Variants in DNAH1 observed in about 807,000 individuals in gnomAD.
DNAH1 encodes axonemal beta dynein heavy chain 1.
In DNAH1, 327 loss-of-function variants were observed where a neutral mutation model predicts 484.3. The ratio of observed to expected loss-of-function variants is 0.68; its 90% CI spans 0.62 to 0.74. The LOEUF is 0.74. Ranked by LOEUF, DNAH1 falls within the 30% of genes least tolerant of loss-of-function variation. The pLI is 0.00. For synonymous variants in DNAH1, 2,192 were observed against 2,191.9 expected (o/e 1.00, Z 0.00); for missense variants, 5,052 against 5,546.8 (o/e 0.91, Z 2.83).
chr3:52,331,507 T>C (rs1439692999), intron 7 of DNAH1, among the ~76,000 whole-genome samples, 198 bp downstream of exon 7: 3 of 152,160 alleles, frequency 2.0e-5, no homozygotes, highest in Non-Finnish European at 4.4e-5. Context: ...TTATTTGGCA[T>C]GTCAGCTCTG....
rs1424281323 is a variant in DNAH1 at position 52,386,709 on chromosome 3, A to G, written c.8859A>G (p.Glu2953=). 1.9e-6 allele frequency: 3 copies of G among 1,593,050 alleles called. No individual in the cohort carries two copies. Among genetic ancestry groups the G allele is most frequent in the Non-Finnish European group, 2.6e-6 (3 of 1,170,172 alleles). Residue 2953 remains glutamate (E), a synonymous_variant, in exon 56 of 78, where the codon GAA becomes GAG. Coordinates refer to ENST00000420323, the MANE Select transcript of DNAH1 (RefSeq NM_015512.5). ...CCCCGGGTGTGAAACTGGTCATAGA[A>G]GCTGTGTGCATTATGAAAGGCATCA... is the stretch of plus-strand genomic sequence containing the variant. ...RPPPGVKLVI[E]AVCIMKGIKP...
intron 44 of DNAH1, chr3:52,374,966 G>T: frequency 4.5e-6 from 1 of 223,778 alleles, no homozygotes; most frequent in East Asian, 1.3e-4. Context: ...CTTCACCATG[G>T]GGGCGGGGGG....
rs1446650080 is a variant in DNAH1 at position 52,368,880 on chromosome 3, C to T, written c.5905C>T (p.Leu1969=). 6.2e-6 allele frequency: 10 copies of T among 1,613,916 alleles called. No homozygotes were observed. Among genetic ancestry groups the T allele is most frequent in the South Asian group, 2.2e-5 (2 of 91,080 alleles). The change falls in exon 37 of 78, where the codon CTG becomes TTG. Residue 1969 remains leucine, a synonymous_variant. Coordinates refer to ENST00000420323, the MANE Select transcript of DNAH1 (RefSeq NM_015512.5). This position sits in a 1 kb window ranked among gnomAD's most constrained non-coding sequence, Gnocchi z 4.4. ...MNTVLDDNKK[L]CLSSGEIIKL... ...CACGGTGCTGGATGACAACAAGAAGCTGTGCCTCAGCTCTGGGGAGATCAT... is the reference window on the plus strand; with the variant it reads ...CACGGTGCTGGATGACAACAAGAAGTTGTGCCTCAGCTCTGGGGAGATCAT...
Position 52,372,939 on chromosome 3 carries a change from T to A in DNAH1, c.6871T>A (p.Phe2291Ile), listed in dbSNP as rs754003859. ...FGPPLGRNFI[F>I]FIDDLNMPAL... ...ACCACCTCTGGGGCGCAACTTTATC[T>A]TCTTCATCGATGACCTGAACATGCC... The change falls in exon 44 of 78, where the codon TTC becomes ATC. Residue 2291 changes from phenylalanine (F) to isoleucine (I), a missense_variant. Transcript: ENST00000420323. 3 of 1,613,778 alleles carry A rather than the reference T, an allele frequency of 1.9e-6. No homozygotes were observed. Among genetic ancestry groups the A allele is most frequent in the Admixed American group, 1.7e-5 (1 of 60,018 alleles).
Position 52,357,818 on chromosome 3 carries a change from C to T in DNAH1, c.3981-80C>T, listed in dbSNP as rs9813653. ...CCAGGGCCCTGCTCAGGCTAGGGTGCGGGGATGTCAGCAGGACTGGGGCAG... is the reference window on the plus strand; with the variant it reads ...CCAGGGCCCTGCTCAGGCTAGGGTGTGGGGATGTCAGCAGGACTGGGGCAG... On this transcript the variant is annotated intron_variant, in intron 23 of 77. Coordinates refer to ENST00000420323, the MANE Select transcript of DNAH1 (RefSeq NM_015512.5). 2.0e-3 allele frequency: 3,121 copies of T among 1,576,316 alleles called. 47 individuals are homozygous for T. The African/African-American group carries it at 0.033, about 17-fold the overall frequency.
At chr3:52,367,028 A>AGAATAGAATT (rs1703111427) in intron 36 of DNAH1, 141 bp downstream of exon 36, 2 of 1,055,462 alleles carry the variant, frequency 1.9e-6, no homozygotes, top group Non-Finnish European at 1.3e-6. Flanking sequence ...TCTCCATTCT[A>AGAATAGAATT]CTTCCTCGCT....
At chr3:52,359,811 C>A (rs181131371) in intron 26 of DNAH1, 105 bp from the exon 27 acceptor site, 2 of 1,467,530 alleles carry the variant, frequency 1.4e-6, no homozygotes, top group Admixed American at 1.8e-5. Flanking sequence ...TCAGAGACCC[C>A]CAGGATAGAG....
chr3:52,357,524 T>C (rs1702662650), intron 22 of DNAH1, 90 bp from the exon 23 acceptor site: 8 of 1,499,324 alleles, frequency 5.3e-6, no homozygotes, highest in Non-Finnish European at 7.2e-6. Context: ...GCTGAGGGGC[T>C]CTGGCTGGTG....
At chr3:52,340,311 G>A (rs991187874) in intron 8 of DNAH1, among the ~76,000 whole-genome samples, 2 of 151,772 alleles carry the variant, frequency 1.3e-5, no homozygotes, top group Non-Finnish European at 2.9e-5. Flanking sequence ...CGAATTCCTG[G>A]GCTCAATTCA....
At position 52,352,546 on chromosome 3, in the gene DNAH1, C is replaced by A. The variant is rs1360774559; in HGVS notation, c.2872-6C>A. The A allele has an allele frequency of 1.9e-6, 3 of 1,606,898 alleles. No individual in the cohort carries two copies. The highest frequency in any genetic ancestry group is 1.7e-5 in the Admixed American group (1 of 59,808). On this transcript the variant is annotated splice_region_variant and splice_polypyrimidine_tract_variant and intron_variant, in intron 17 of 77. Coordinates refer to ENST00000420323, the MANE Select transcript of DNAH1 (RefSeq NM_015512.5). ...GGCATCTGACCCATTGCTCCTTGGC[C>A]TGCAGCTGGTAGTAGCTGGCTTCTC...
At chr3:52,314,557 G>T (rs1700889861), upstream of DNAH1, among the ~76,000 whole-genome samples, 1 of 152,192 alleles carries the variant, frequency 6.6e-6, no homozygotes. Context: ...GTCTTTCCTG[G>T]ACTGACGCAT....
At chr3:52,393,572 A>G in intron 66 of DNAH1, 87 bp downstream of exon 66, 1 of 1,561,078 alleles carries the variant, frequency 6.4e-7, no homozygotes, top group Non-Finnish European at 8.7e-7. Flanking sequence ...AGGGAAAGCC[A>G]GGCATGAAGG....
At chr3:52,326,593 GA>G in intron 4 of DNAH1, 141 bp from the exon 5 acceptor site, 2 of 1,084,042 alleles carry the variant, frequency 1.8e-6, no homozygotes, top group Non-Finnish European at 2.6e-6. Context: ...ACTTCCTGAT[GA>G]GTCTCAGAGG....
At chr3:52,318,762 G>A (rs896931974) in intron 1 of DNAH1, among the ~76,000 whole-genome samples, 4 of 152,286 alleles carry the variant, frequency 2.6e-5, no homozygotes, top group South Asian at 2.1e-4. Flanking sequence ...GCTTCAAAAC[G>A]GTGGAGAGAA....
chr3:52,345,587 C>T lies in DNAH1; in HGVS notation c.1537C>T (p.Leu513Phe). 3 of 1,603,886 alleles carry T rather than the reference C, an allele frequency of 1.9e-6. No homozygotes were observed. The highest frequency in any genetic ancestry group is 2.6e-6 in the Non-Finnish European group (3 of 1,175,022). The stretch of plus-strand genomic sequence containing the variant: ...CACACGGCCAGAGGTCATCACGGCC[C>T]TCAGCAAGGTGAGGGCCGAGTGCAA... ...LLTRPEVITA[L>F]SKVRAECNKV... Residue 513 changes from leucine to phenylalanine, a missense_variant, in exon 10 of 78, where the codon CTC (leucine) becomes TTC (phenylalanine). This residue lies in a region of DNAH1 where 1,263 missense variants were observed against 1,218.8 expected (regional missense o/e 1.04). Coordinates refer to ENST00000420323, the MANE Select transcript of DNAH1 (RefSeq NM_015512.5).
chr3:52,341,322 G>A (rs1182347293), intron 8 of DNAH1, among the ~76,000 whole-genome samples: 1 of 152,172 alleles, frequency 6.6e-6, no homozygotes, highest in Non-Finnish European at 1.5e-5. Context: ...AGACCCTGAT[G>A]TGGGGACTCT....
Position 52,326,770 on chromosome 3 carries a change from A to G in DNAH1, c.617A>G (p.Gln206Arg). 1 of 1,613,768 alleles carries G rather than the reference A, an allele frequency of 6.2e-7. No homozygotes were observed. The highest frequency in any genetic ancestry group is 8.5e-7 in the Non-Finnish European group (1 of 1,179,758). The change falls in exon 5 of 78, where the codon CAG becomes CGG. Residue 206 changes from glutamine to arginine, a missense_variant. Physicochemically the swap from Gln to Arg is conservative, Grantham distance 43. Around this residue, in one of 4 missense-constraint regions of DNAH1, gnomAD observed 1,263 missense variants for 1,218.8 expected, o/e 1.04. Coordinates refer to ENST00000420323, the MANE Select transcript of DNAH1 (RefSeq NM_015512.5). ...CAGTACCTGAGCCTGGACATTGAGC[A>G]GTTGCTGTTCAGCCAGGGCATCGAC... ...KQQYLSLDIE[Q>R]LLFSQGIDSN...
In DNAH1 at chr3:52,366,815, A is replaced by G; in HGVS notation, c.5693A>G (p.Tyr1898Cys). The G allele has an allele frequency of 6.2e-7, 1 of 1,613,908 alleles. No individual in the cohort carries two copies. Among genetic ancestry groups the G allele is most frequent in the South Asian group, 1.1e-5 (1 of 91,076 alleles). The part of the protein sequence containing the change: ...ISGGMYEAVN[Y>C]YVLNPKSITM... ...GGTGGCATGTACGAGGCTGTCAACT[A>G]CTACGTGCTCAACCCCAAGTCCATC... Residue 1898 changes from tyrosine (Y) to cysteine (C), a missense_variant, in exon 36 of 78, where the codon TAC becomes TGC. Physicochemically the swap from Tyr to Cys is radical, Grantham distance 194. Coordinates refer to ENST00000420323, the MANE Select transcript of DNAH1 (RefSeq NM_015512.5).
intron 62 of DNAH1, 25 bp downstream of exon 62, chr3:52,391,353 G>A: frequency 6.3e-7 from 1 of 1,598,886 alleles, no homozygotes; most frequent in Non-Finnish European, 8.5e-7. Context: ...GTGATGGCAG[G>A]GTGGCAGTAG....
Sources: gnomAD v4.1 joint callset for allele counts (sites outside exome capture counted in the v4.1 genomes callset) on GRCh38, gnomAD v4.1.1 for gene constraint, gnomAD v4.1.1 regional missense constraint, Gnocchi (gnomAD v3.1) non-coding constraint, MANE v1.5 for transcripts, NCBI Gene and HGNC (gene_info 2026-07-23, HGNC 2026-07-21) for gene names.